Variants in CMTM4 observed in about 807,000 individuals in gnomAD.
The protein encoded by CMTM4 is CKLF like MARVEL transmembrane domain containing 4.
In CMTM4, 8 loss-of-function variants were observed where a neutral mutation model predicts 19.0. The ratio of observed to expected loss-of-function variants is 0.42; its 90% CI spans 0.25 to 0.76. The LOEUF (loss-of-function observed/expected upper bound fraction) is 0.76. Among genes scored for constraint, CMTM4 ranks in the 30% least tolerant of loss-of-function variants. The pLI is 0.27. For missense variants in CMTM4, 228 were observed against 290.2 expected (o/e 0.79, Z 1.56); for synonymous variants, 106 against 121.1 (o/e 0.88, Z 0.82).
intron 1 of CMTM4, among the ~76,000 whole-genome samples, chr16:66,693,283 G>T (rs898671474): frequency 1.2e-4 from 18 of 151,872 alleles, no homozygotes; most frequent in Admixed American, 2.6e-4. Context: ...ATCTTGCTAC[G>T]TTGCCCAAGC....
chr16:66,606,900 A>G, the CMTM4 span, among the ~76,000 whole-genome samples: 1 of 152,252 alleles, frequency 6.6e-6, no homozygotes, highest in Non-Finnish European at 1.5e-5. Context: ...AGGCTGAGGC[A>G]GGAGAATCAC....
At chr16:66,632,673 C>A (rs1033338060) in intron 2 of CMTM4, among the ~76,000 whole-genome samples, 1 of 151,982 alleles carries the variant, frequency 6.6e-6, no homozygotes, top group African/African-American at 2.4e-5. Context: ...ATCAGACACG[C>A]CTTTTAGATA....
chr16:66,628,433 C>G lies in CMTM4; in HGVS notation c.364-4931G>C, dbSNP rs527688988. Among the ~76,000 whole-genome samples the G allele has an allele frequency of 2.5e-3, 380 of 152,316 alleles. 1 individual carries two copies. The highest frequency in any genetic ancestry group is 3.5e-3 in the Non-Finnish European group (239 of 68,032). ...AGGCAGAGGTCCCTGTGGCTTTTAGCAGTGCGTTGTGCCCCTGGTTTATTG... is the reference window on the plus strand; with the variant it reads ...AGGCAGAGGTCCCTGTGGCTTTTAGGAGTGCGTTGTGCCCCTGGTTTATTG... On this transcript the variant is annotated intron_variant, in intron 2 of 3. Transcript: ENST00000394106.
intron 1 of CMTM4, among the ~76,000 whole-genome samples, chr16:66,637,149 G>A (rs1161081086): frequency 3.3e-5 from 5 of 152,158 alleles, no homozygotes; most frequent in Admixed American, 2.6e-4. Context: ...AACAAGAGGC[G>A]CACCTAATTA....
In CMTM4 at chr16:66,683,448, C is replaced by T. The variant is rs935348265; in HGVS notation, c.186+12892G>A. On this transcript the variant is annotated intron_variant, in intron 1 of 3. Coordinates refer to ENST00000394106, the MANE Select transcript of CMTM4 (RefSeq NM_181521.3). ...CTGGGACTACAGGCGCCCACCACCA[C>T]GGCCAGCTAATTTTTTGTATTTGCA... Among the ~76,000 whole-genome samples, 11 of 150,316 alleles carry T rather than the reference C, an allele frequency of 7.3e-5. No individual in the cohort carries two copies. In the East Asian group the frequency reaches 9.9e-4, roughly 13 times the overall value.
At position 66,677,066 on chromosome 16, in the gene CMTM4, C is replaced by A. The variant is rs80258862; in HGVS notation, c.186+19274G>T. ...GAGCAGCTGAGGCAACATGTTAAGACCCTGTCTCTACAAAACACAAAATTA... is the reference window on the plus strand; with the variant it reads ...GAGCAGCTGAGGCAACATGTTAAGAACCTGTCTCTACAAAACACAAAATTA... On this transcript the variant is annotated intron_variant, in intron 1 of 3. Coordinates refer to ENST00000394106, the MANE Select transcript of CMTM4 (RefSeq NM_181521.3). 7.1e-3 allele frequency among the ~76,000 whole-genome samples: 1,088 copies of A among 152,172 alleles called. 33 individuals are homozygous for A. Among genetic ancestry groups the A allele is most frequent in the Admixed American group, 0.048 (739 of 15,278 alleles).
chr16:66,638,839 G>A (rs141040114), intron 1 of CMTM4, among the ~76,000 whole-genome samples: 47 of 151,506 alleles, frequency 3.1e-4, no homozygotes, highest in Non-Finnish European at 5.7e-4. Flanking sequence ...TAGCCTGGGC[G>A]ACAGAGTGAG....
the CMTM4 span, among the ~76,000 whole-genome samples, chr16:66,600,750 C>A: frequency 2.1e-4 from 32 of 152,322 alleles, no homozygotes; most frequent in African/African-American, 7.7e-4. Context: ...TTTATTCCAC[C>A]ACCATCACCA....
At chr16:66,685,402 G>C (rs1037075013) in intron 1 of CMTM4, among the ~76,000 whole-genome samples, 2 of 151,824 alleles carry the variant, frequency 1.3e-5, no homozygotes, top group Admixed American at 6.6e-5. Context: ...AGACTGCTGT[G>C]GGGGAAGAAA....
chr16:66,602,288 T>C, the CMTM4 span, among the ~76,000 whole-genome samples: 3 of 152,018 alleles, frequency 2.0e-5, no homozygotes, highest in Non-Finnish European at 4.4e-5. Flanking sequence ...TCCCAGCTAC[T>C]TGGGAGACTG....
chr16:66,603,287 A>AT, the CMTM4 span, among the ~76,000 whole-genome samples: 128 of 147,420 alleles, frequency 8.7e-4, 1 homozygote, highest in Admixed American at 1.3e-3. Context: ...GTCTTTATTT[A>AT]TTTTTTTTTT....
At chr16:66,695,347 A>AAG (rs150771379) in intron 1 of CMTM4, among the ~76,000 whole-genome samples, 2 of 151,920 alleles carry the variant, frequency 1.3e-5, no homozygotes, top group South Asian at 2.1e-4. Flanking sequence ...GGTCTCAAAA[A>AAG]AGAGAGAGAG....
At chr16:66,684,557 C>T (rs1417958429) in intron 1 of CMTM4, among the ~76,000 whole-genome samples, 2 of 151,948 alleles carry the variant, frequency 1.3e-5, no homozygotes, top group East Asian at 3.9e-4. Context: ...CCAGTGATAG[C>T]CCCCATCTCG....
At chr16:66,603,586 C>G in the CMTM4 span, among the ~76,000 whole-genome samples, 1 of 152,166 alleles carries the variant, frequency 6.6e-6, no homozygotes, top group Non-Finnish European at 1.5e-5. Flanking sequence ...AGCGCCTGAC[C>G]TTCTATTTTT....
Position 66,621,904 on chromosome 16 carries a change from A to T in CMTM4, c.*154T>A. 18 of 1,436,042 alleles carry T rather than the reference A, an allele frequency of 1.3e-5. No homozygotes were observed. The highest frequency in any genetic ancestry group is 1.6e-5 in the Non-Finnish European group (18 of 1,097,100). 89.0% of individuals were successfully genotyped at this position (1,436,042 alleles called of 1,614,324 possible). A position where few individuals can be genotyped will look rare whatever the true frequency, so the allele number is the denominator to read the frequency against. On this transcript the variant is annotated 3_prime_UTR_variant, in exon 4 of 4. Coordinates refer to ENST00000394106, the MANE Select transcript of CMTM4 (RefSeq NM_181521.3). The stretch of plus-strand genomic sequence containing the variant: ...TCCCAACTCCACCGCGGACCCGCCC[A>T]CTGGGCCACTCGGGAAACCCTTTCC...
At chr16:66,636,220 T>C (rs1389570331) in intron 2 of CMTM4, among the ~76,000 whole-genome samples, 185 bp downstream of exon 2, 2 of 152,226 alleles carry the variant, frequency 1.3e-5, no homozygotes, top group South Asian at 4.1e-4. Context: ...TTAGTTAAGA[T>C]TCAGTTTATT....
chr16:66,660,208 T>C (rs1277077400), intron 1 of CMTM4, among the ~76,000 whole-genome samples: 3 of 151,962 alleles, frequency 2.0e-5, no homozygotes, highest in African/African-American at 7.2e-5. Context: ...GGCAATCTAG[T>C]GAGACTCCAT....
intron 1 of CMTM4, among the ~76,000 whole-genome samples, chr16:66,667,708 T>C (rs1404649620): frequency 6.6e-6 from 1 of 152,098 alleles, no homozygotes; most frequent in Non-Finnish European, 1.5e-5. Flanking sequence ...GTCAACATGG[T>C]GAAACCCCGT....
At chr16:66,642,560 C>T (rs111657042) in intron 1 of CMTM4, among the ~76,000 whole-genome samples, 6,596 of 152,032 alleles carry the variant, frequency 0.043, 270 homozygotes, top group East Asian at 0.16. Context: ...ACTAAAAATA[C>T]AAAAAATTAG....
Sources: gnomAD v4.1 joint callset for allele counts (sites outside exome capture counted in the v4.1 genomes callset) on GRCh38, gnomAD v4.1.1 for gene constraint, MANE v1.5 for transcripts, NCBI Gene and HGNC (gene_info 2026-07-23, HGNC 2026-07-21) for gene names.